Variants in SGCZ observed in about 807,000 individuals in gnomAD.
The protein encoded by SGCZ is sarcoglycan zeta.
A neutral mutation model predicts 41.3 loss-of-function variants in SGCZ; 40 were observed. The ratio of observed to expected loss-of-function variants is 0.97; its 90% CI spans 0.75 to 1.26. The LOEUF (loss-of-function observed/expected upper bound fraction) is 1.26, where lower values mean the gene tolerates loss of function less well. Ranked by LOEUF, SGCZ falls within the 50% of genes most tolerant of loss-of-function variation. The probability of loss-of-function intolerance (pLI) is 0.00; values close to 1 mark genes in which losing one functional copy is unlikely to be tolerated. For synonymous variants in SGCZ, 206 were observed against 137.5 expected, an observed-to-expected ratio of 1.50 and a Z score of -3.49; for missense variants, 552 against 369.8, an observed-to-expected ratio of 1.49 and a Z score of -4.04.
intron 3 of SGCZ, among the ~76,000 whole-genome samples, chr8:14,290,601 T>A (rs1257000695): frequency 6.6e-6 from 1 of 152,076 alleles, no homozygotes; most frequent in Non-Finnish European, 1.5e-5. Context: ...ACATCACTCA[T>A]CATTACAAAA....
chr8:15,181,522 GTGA>G (rs1412210419), intron 1 of SGCZ, among the ~76,000 whole-genome samples: 2 of 152,120 alleles, frequency 1.3e-5, no homozygotes, highest in African/African-American at 2.4e-5. Context: ...TTTGTTCTGT[GTGA>G]TGATATTCTC....
chr8:14,270,281 G>A (rs199921389), intron 3 of SGCZ, among the ~76,000 whole-genome samples: 1 of 151,946 alleles, frequency 6.6e-6, no homozygotes. Flanking sequence ...GCAGTGAGCC[G>A]AGATCATGCC....
chr8:14,753,131 C>T (rs1351768110), intron 1 of SGCZ, among the ~76,000 whole-genome samples: 1 of 152,156 alleles, frequency 6.6e-6, no homozygotes, highest in African/African-American at 2.4e-5. Flanking sequence ...ATCTCACGTG[C>T]ATTTCTATAA....
At position 14,999,812 on chromosome 8, in the gene SGCZ, G is replaced by C. The variant is rs778859561; in HGVS notation, c.39+237773C>G. On this transcript the variant is annotated intron_variant, in intron 1 of 7. Coordinates refer to ENST00000382080, the MANE Select transcript of SGCZ (RefSeq NM_139167.4). ...CAAAGTAATGGGGAAGTAACCTAAAGACAATCGCGGAACAGCAAAAAGTTA... is the reference window on the plus strand; with the variant it reads ...CAAAGTAATGGGGAAGTAACCTAAACACAATCGCGGAACAGCAAAAAGTTA... 1.3e-4 allele frequency among the ~76,000 whole-genome samples: 20 copies of C among 152,172 alleles called. 1 individual carries two copies. Among genetic ancestry groups the C allele is most frequent in the Non-Finnish European group, 2.1e-4 (14 of 68,044 alleles).
intron 1 of SGCZ, among the ~76,000 whole-genome samples, chr8:14,684,508 G>A (rs367800277): frequency 1.4e-4 from 22 of 152,238 alleles, no homozygotes; most frequent in African/African-American, 5.3e-4. Flanking sequence ...TGCTCTTAAA[G>A]CTGCTGGAGT....
chr8:14,319,966 T>A (rs1801861034), intron 3 of SGCZ, among the ~76,000 whole-genome samples: 1 of 152,008 alleles, frequency 6.6e-6, no homozygotes, highest in Admixed American at 6.6e-5. Context: ...AATATTTAAG[T>A]TCAGCCATTT....
Position 14,325,775 on chromosome 8 carries a change from T to G in SGCZ, c.235-1571A>C, listed in dbSNP as rs867112139. 2.4e-3 allele frequency among the ~76,000 whole-genome samples: 180 copies of G among 74,594 alleles called. 1 individual carries two copies. The highest frequency in any genetic ancestry group is 4.0e-3 in the Non-Finnish European group (151 of 37,648). 48.9% of individuals were successfully genotyped at this position (74,594 alleles called of 152,430 possible). A position where few individuals can be genotyped will look rare whatever the true frequency, so the allele number is the denominator to read the frequency against. On this transcript the variant is annotated intron_variant, in intron 2 of 7. Transcript: ENST00000382080. ...ATATATATATATATATATATATATA[T>G]ATATATATATATATATATCAACCAG...
chr8:15,125,494 G>C (rs11783872), intron 1 of SGCZ, among the ~76,000 whole-genome samples: 22,508 of 152,116 alleles, frequency 0.15, 1,743 homozygotes, highest in East Asian at 0.27. Context: ...CTTCCAAAGA[G>C]AAATATTCTC....
chr8:14,260,623 T>A (rs1799626932), intron 3 of SGCZ, among the ~76,000 whole-genome samples: 1 of 150,850 alleles, frequency 6.6e-6, no homozygotes, highest in Non-Finnish European at 1.5e-5. Context: ...CTATAAATCG[T>A]GCTGCTATAA....
chr8:15,088,777 G>T (rs1248813585), intron 1 of SGCZ, among the ~76,000 whole-genome samples: 1 of 152,096 alleles, frequency 6.6e-6, no homozygotes, highest in African/African-American at 2.4e-5. Flanking sequence ...AACCATCAGT[G>T]TATCATAAAA....
At chr8:15,216,604 C>G (rs1043101185) in intron 1 of SGCZ, among the ~76,000 whole-genome samples, 2 of 152,008 alleles carry the variant, frequency 1.3e-5, no homozygotes, top group Non-Finnish European at 2.9e-5. Context: ...AGGAAACTGT[C>G]AAGAGAACTA....
chr8:14,623,815 T>C (rs1308821718), intron 1 of SGCZ, among the ~76,000 whole-genome samples: 2 of 152,162 alleles, frequency 1.3e-5, no homozygotes, highest in Non-Finnish European at 2.9e-5. Context: ...ACCATAGCTG[T>C]GCAACAAGAT....
intron 3 of SGCZ, among the ~76,000 whole-genome samples, chr8:14,237,929 G>T (rs1352553852): frequency 3.9e-5 from 6 of 152,298 alleles, no homozygotes; most frequent in Admixed American, 3.9e-4. Flanking sequence ...CAACCCTACT[G>T]ATTGCTGCAC....
chr8:14,715,004 T>A (rs1445458761), intron 1 of SGCZ, among the ~76,000 whole-genome samples: 1 of 152,156 alleles, frequency 6.6e-6, no homozygotes, highest in African/African-American at 2.4e-5. Context: ...CTTCCAATGG[T>A]CTGGTTTTGC....
chr8:15,016,753 G>C (rs544464937), intron 1 of SGCZ, among the ~76,000 whole-genome samples: 1 of 152,220 alleles, frequency 6.6e-6, no homozygotes, highest in South Asian at 2.1e-4. Flanking sequence ...AGGTTTATTT[G>C]GCTCACAGTT....
intron 2 of SGCZ, among the ~76,000 whole-genome samples, chr8:14,501,648 T>C (rs1030728464): frequency 4.0e-4 from 61 of 151,268 alleles, no homozygotes; most frequent in African/African-American, 1.4e-3. Context: ...ACACCTAATA[T>C]AGCATGTATT....
chr8:15,198,829 A>G (rs1401057265), intron 1 of SGCZ, among the ~76,000 whole-genome samples: 1 of 152,130 alleles, frequency 6.6e-6, no homozygotes, highest in Non-Finnish European at 1.5e-5. Context: ...ATGTGACTCT[A>G]TGACTTATTT....
intron 1 of SGCZ, among the ~76,000 whole-genome samples, chr8:14,589,801 T>C (rs1347570352): frequency 1.3e-5 from 2 of 152,188 alleles, no homozygotes; most frequent in Non-Finnish European, 2.9e-5. Context: ...TGAAATATGT[T>C]ATCCATCACT....
intron 5 of SGCZ, among the ~76,000 whole-genome samples, chr8:14,160,408 GT>G (rs1313915781): frequency 6.6e-6 from 1 of 151,952 alleles, no homozygotes; most frequent in Non-Finnish European, 1.5e-5. Context: ...TCCTTTTTTT[GT>G]TGTGTTGACT....
Sources: allele counts gnomAD v4.1 joint callset (sites outside exome capture counted in the v4.1 genomes callset), GRCh38; gene constraint gnomAD v4.1.1; transcripts MANE v1.5; gene names NCBI Gene and HGNC (gene_info 2026-07-23, HGNC 2026-07-21).